Variants in ST18 observed in about 807,000 individuals in gnomAD.
The protein encoded by ST18 is suppression of tumorigenicity 18 protein.
Under a neutral mutation model 110.0 loss-of-function variants are expected in ST18, and 50 were observed. That is an observed-to-expected ratio of 0.45 (90% CI 0.36 to 0.58). The LOEUF (loss-of-function observed/expected upper bound fraction) is 0.58. ST18 is among the 20% of genes least tolerant of loss of function. The pLI, the probability that ST18 is intolerant of heterozygous loss-of-function variation, is 0.00. For synonymous variants in ST18, 461 were observed against 452.4 expected (o/e 1.02, Z -0.24); for missense variants, 1,306 against 1,280.1 (o/e 1.02, Z -0.31).
chr8:52,240,043 C>T (rs1366002372), intron 2 of ST18, among the ~76,000 whole-genome samples: 1 of 152,164 alleles, frequency 6.6e-6, no homozygotes, highest in East Asian at 1.9e-4. Flanking sequence ...ATCCACCCAC[C>T]TCGGCCTCCC....
chr8:52,268,316 G>A (rs990385164), intron 2 of ST18, among the ~76,000 whole-genome samples: 3 of 152,100 alleles, frequency 2.0e-5, no homozygotes, highest in African/African-American at 4.8e-5. Flanking sequence ...CTGACTCAAC[G>A]GGTTTTAAAA....
At position 52,220,789 on chromosome 8, in the gene ST18, G is replaced by C. The variant is rs551785796; in HGVS notation, c.-205C>G. ...GTATGTCAACTCAGTTTGCCCTGCT[G>C]TGTCAGGGGGACTAAATAAATGACT... is the stretch of plus-strand genomic sequence containing the variant. On this transcript the variant is annotated 5_prime_UTR_variant, in exon 5 of 26. Transcript: ENST00000689386. 3 of 152,238 alleles carry C rather than the reference G, an allele frequency of 2.0e-5. No individual in the cohort carries two copies. The highest frequency in any genetic ancestry group is 2.0e-4 in the Admixed American group (3 of 15,290). The allele number at this position is 152,238 out of a possible 1,614,324, so 9.4% of individuals were successfully genotyped here.
intron 2 of ST18, among the ~76,000 whole-genome samples, chr8:52,338,086 G>A (rs1178837185): frequency 2.0e-5 from 3 of 152,076 alleles, no homozygotes; most frequent in Non-Finnish European, 4.4e-5. Context: ...GAGACAGAGT[G>A]TCACTTTTGT....
intron 16 of ST18, among the ~76,000 whole-genome samples, chr8:52,148,926 T>C (rs1391419449): frequency 6.6e-6 from 1 of 152,204 alleles, no homozygotes; most frequent in Non-Finnish European, 1.5e-5. Context: ...TTTACACATA[T>C]CAACTGGCAA....
intron 2 of ST18, among the ~76,000 whole-genome samples, chr8:52,296,123 T>TA (rs1172561393): frequency 6.6e-6 from 1 of 152,106 alleles, no homozygotes; most frequent in African/African-American, 2.4e-5. Context: ...ATCATGCATA[T>TA]AAAAAAAGAA....
chr8:52,167,054 C>G (rs755878973), intron 10 of ST18, 68 bp from the exon 11 acceptor site: 2 of 1,521,570 alleles, frequency 1.3e-6, no homozygotes, highest in South Asian at 2.5e-5. Flanking sequence ...AATAGAATGG[C>G]CTTGCAGGGT....
chr8:52,113,954 GTTTTTTTTTTTTTTTTTT>G (rs1158213340), intron 25 of ST18, among the ~76,000 whole-genome samples: 4 of 45,442 alleles, frequency 8.8e-5, no homozygotes, highest in South Asian at 1.6e-3. Flanking sequence ...TTCATACCGT[GTTTTTTTTTTTTTTTTTT>G]TTTTTTTTTT....
intron 2 of ST18, chr8:52,296,503 G>C (rs570598106): frequency 1.3e-5 from 2 of 152,182 alleles, no homozygotes; most frequent in African/African-American, 2.4e-5. Flanking sequence ...AGTGAACGTC[G>C]AGCATGCACA....
At chr8:52,247,780 A>G (rs906253512) in intron 2 of ST18, among the ~76,000 whole-genome samples, 1 of 152,214 alleles carries the variant, frequency 6.6e-6, no homozygotes, top group African/African-American at 2.4e-5. Context: ...CACGATTTCT[A>G]TCACATGAAA....
chr8:52,407,072 G>A (rs763180088), intron 2 of ST18: 1 of 152,168 alleles, frequency 6.6e-6, no homozygotes, highest in Admixed American at 6.5e-5. Flanking sequence ...ATTTAGTGAA[G>A]ATATTTAGAT....
At chr8:52,231,742 T>A (rs2091435646) in intron 2 of ST18, among the ~76,000 whole-genome samples, 1 of 152,226 alleles carries the variant, frequency 6.6e-6, no homozygotes, top group Non-Finnish European at 1.5e-5. Context: ...CCCAAGGTGC[T>A]GGGATTACAG....
chr8:52,242,929 A>C (rs1353266229), intron 2 of ST18, among the ~76,000 whole-genome samples: 1 of 151,608 alleles, frequency 6.6e-6, no homozygotes, highest in Non-Finnish European at 1.5e-5. Flanking sequence ...TGCTTTTATT[A>C]TTCTTATTAT....
chr8:52,173,574 C>T (rs1185538090), intron 9 of ST18, among the ~76,000 whole-genome samples: 1 of 152,152 alleles, frequency 6.6e-6, no homozygotes, highest in African/African-American at 2.4e-5. Flanking sequence ...TGTCCCAGTG[C>T]AAGACACAGC....
rs1161453450 is a variant in ST18 at position 52,372,195 on chromosome 8, T to G, written c.-465+37133A>C. On this transcript the variant is annotated intron_variant, in intron 2 of 25. Coordinates refer to ENST00000689386, the MANE Select transcript of ST18 (RefSeq NM_001352837.2). ...GATTTTGTGTGGGTTTTGGTCTTAGTTTTTAACAAAAAAGTTTTTAAAATT... is the reference window on the plus strand; with the variant it reads ...GATTTTGTGTGGGTTTTGGTCTTAGGTTTTAACAAAAAAGTTTTTAAAATT... Among the ~76,000 whole-genome samples, 31 of 152,074 alleles carry G rather than the reference T, an allele frequency of 2.0e-4. 1 individual carries two copies. The highest frequency in any genetic ancestry group is 1.5e-5 in the Non-Finnish European group (1 of 68,016).
intron 8 of ST18, among the ~76,000 whole-genome samples, chr8:52,181,406 C>G (rs985766541): frequency 8.1e-4 from 123 of 152,294 alleles, no homozygotes; most frequent in African/African-American, 2.9e-3. Context: ...CACACAGGAA[C>G]TCTTGGCTTT....
At position 52,123,033 on chromosome 8, in the gene ST18, C is replaced by A. The variant is rs375967313; in HGVS notation, c.2755+3019G>T. On this transcript the variant is annotated intron_variant, in intron 23 of 25. Transcript: ENST00000689386. ...TTATCATAACTTCTGCTTGTTTCTA[C>A]AAAGCACAGAAGGACTGGCATTCTT... Among the ~76,000 whole-genome samples the A allele has an allele frequency of 9.1e-4, 139 of 152,194 alleles. 1 individual carries two copies. The highest frequency in any genetic ancestry group is 2.5e-3 in the African/African-American group (102 of 41,528).
At chr8:52,404,863 A>G (rs1279174423) in intron 2 of ST18, 3 of 152,200 alleles carry the variant, frequency 2.0e-5, no homozygotes, top group Non-Finnish European at 2.9e-5. Flanking sequence ...TTTTTTCCAG[A>G]TGCTTCCAAG....
At chr8:52,394,398 G>A (rs888668810) in intron 2 of ST18, among the ~76,000 whole-genome samples, 6 of 152,072 alleles carry the variant, frequency 3.9e-5, no homozygotes. Flanking sequence ...AACTGGGGTA[G>A]ACTGTAAGCC....
At chr8:52,336,842 G>C (rs1048557504) in intron 2 of ST18, among the ~76,000 whole-genome samples, 32 of 152,220 alleles carry the variant, frequency 2.1e-4, no homozygotes, top group African/African-American at 7.7e-4. Context: ...TGACACTCCA[G>C]CGTGGTGTAC....
Sources: allele counts gnomAD v4.1 joint callset (sites outside exome capture counted in the v4.1 genomes callset), GRCh38; gene constraint gnomAD v4.1.1; transcripts MANE v1.5; gene names NCBI Gene and HGNC (gene_info 2026-07-23, HGNC 2026-07-21).